KIF3A: variants seen among roughly 807,000 people sequenced by gnomAD.
The protein encoded by KIF3A is kinesin-like protein KIF3A.
KIF3A carries 27 observed loss-of-function variants against 92.6 expected under a neutral mutation model. The ratio of observed to expected loss-of-function variants is 0.29; its 90% CI spans 0.21 to 0.40. The LOEUF is 0.40. KIF3A is among the 10% of genes least tolerant of loss of function. The pLI is 1.00. For missense variants in KIF3A, 581 were observed against 872.6 expected, an observed-to-expected ratio of 0.67 and a Z score of 4.21; for synonymous variants, 250 against 275.4, an observed-to-expected ratio of 0.91 and a Z score of 0.92.
rs1752807131 is a variant in KIF3A at position 132,695,611 on chromosome 5, G to C, written c.*1023C>G. On this transcript the variant is annotated 3_prime_UTR_variant, in exon 19 of 19. Transcript: ENST00000403231. ...TTTGTAGAGGAATATGGTCTAACTG[G>C]ATTACCCAATAGAAGAAATTCAGAA... 6.6e-6 allele frequency: 1 copy of C among 152,144 alleles called. No individual in the cohort carries two copies. The highest frequency in any genetic ancestry group is 2.4e-5 in the African/African-American group (1 of 41,378). The allele number at this position is 152,144 out of a possible 1,614,324, so 9.4% of individuals were successfully genotyped here.
intron 18 of KIF3A, among the ~76,000 whole-genome samples, chr5:132,698,729 ATTTT>A (rs200925076): frequency 3.0e-5 from 4 of 132,154 alleles, no homozygotes; most frequent in Admixed American, 7.9e-5. Context: ...AAGGAATTTG[ATTTT>A]TTTTTTTTTT....
chr5:132,715,869 G>A lies in KIF3A; in HGVS notation c.1017C>T (p.Ala339=). The change falls in exon 8 of 19, where the codon GCC becomes GCT. Residue 339 remains alanine, a synonymous_variant. Coordinates refer to ENST00000403231, the MANE Select transcript of KIF3A (RefSeq NM_001300791.2). ...YDETISTLRY[A]NRAKNIKNKA... is the part of the protein sequence containing the mutation. ...TATTTTTAATATTCTTAGCACGATT[G>A]GCATACCGTAATGTACTGATAGTTT... The A allele has an allele frequency of 6.2e-7, 1 of 1,608,324 alleles. No individual in the cohort carries two copies. Among genetic ancestry groups the A allele is most frequent in the Non-Finnish European group, 8.5e-7 (1 of 1,175,608 alleles).
intron 2 of KIF3A, among the ~76,000 whole-genome samples, chr5:132,731,260 T>C (rs564882211): frequency 4.6e-5 from 7 of 152,198 alleles, no homozygotes; most frequent in Admixed American, 6.5e-5. Context: ...TGAACATGGA[T>C]GCCAAAATTT....
intron 2 of KIF3A, among the ~76,000 whole-genome samples, chr5:132,727,198 C>T (rs960569696): frequency 7.2e-5 from 11 of 152,322 alleles, no homozygotes; most frequent in East Asian, 1.9e-4. Context: ...TTTCTAAATA[C>T]CCAAATTCAT....
intron 18 of KIF3A, chr5:132,697,931 T>C (rs1479893698): frequency 6.6e-6 from 1 of 152,146 alleles, no homozygotes; most frequent in Non-Finnish European, 1.5e-5. Context: ...TGTCATTTTA[T>C]TAAAAATGGA....
Position 132,700,808 on chromosome 5 carries a change from C to T in KIF3A, c.1885-108G>A, listed in dbSNP as rs1753011023. On this transcript the variant is annotated intron_variant, in intron 15 of 18. Transcript: ENST00000403231. ...ACATTGAGTAATAAAAGTCTCAAAA[C>T]ATTATATACTGATATAACCTTTTTA... The T allele has an allele frequency of 3.2e-5, 21 of 662,382 alleles. No homozygotes were observed. The South Asian group carries it at 4.1e-4, about 13-fold the overall frequency. The allele number at this position is 662,382 out of a possible 1,614,324, so 41.0% of individuals were successfully genotyped here.
At chr5:132,692,337 G>A (rs1271429447), downstream of KIF3A, 2 of 152,190 alleles carry the variant, frequency 1.3e-5, no homozygotes, top group Admixed American at 1.3e-4. Flanking sequence ...TAATACCTGG[G>A]TGATGAAATA....
intron 4 of KIF3A, among the ~76,000 whole-genome samples, chr5:132,724,806 A>AAT (rs1167332306): frequency 2.6e-3 from 59 of 22,682 alleles, no homozygotes; most frequent in Non-Finnish European, 3.8e-3. Context: ...AAAAAAAAAA[A>AAT]ATATATATAT....
At chr5:132,723,902 T>C (rs1381941227) in intron 4 of KIF3A, among the ~76,000 whole-genome samples, 2 of 152,238 alleles carry the variant, frequency 1.3e-5, no homozygotes, top group African/African-American at 2.4e-5. Context: ...TCTACTCATC[T>C]GACAAAAGGC....
intron 10 of KIF3A, among the ~76,000 whole-genome samples, chr5:132,708,022 G>A (rs565825964): frequency 2.6e-4 from 40 of 152,160 alleles, no homozygotes; most frequent in Non-Finnish European, 4.1e-4. Context: ...AGTGGCTCAC[G>A]CCTATAATCC....
At chr5:132,717,529 C>T (rs1474555152) in intron 5 of KIF3A, among the ~76,000 whole-genome samples, 1 of 150,364 alleles carries the variant, frequency 6.7e-6, no homozygotes, top group Non-Finnish European at 1.5e-5. Flanking sequence ...TTCAGTGCAG[C>T]ATTAAAAAAA....
At chr5:132,698,843 T>C (rs956709440) in intron 18 of KIF3A, among the ~76,000 whole-genome samples, 2 of 151,276 alleles carry the variant, frequency 1.3e-5, no homozygotes, top group African/African-American at 4.9e-5. Context: ...GTTCAAGCGA[T>C]TCTCATGCCT....
chr5:132,732,158 AAGAC>A (rs1374707006), intron 2 of KIF3A, among the ~76,000 whole-genome samples: 1 of 152,250 alleles, frequency 6.6e-6, no homozygotes, highest in East Asian at 1.9e-4. Context: ...AGTCATCAAA[AAGAC>A]AGTAACAAGT....
chr5:132,733,434 T>C (rs940356823), intron 2 of KIF3A, among the ~76,000 whole-genome samples: 1 of 152,116 alleles, frequency 6.6e-6, no homozygotes, highest in African/African-American at 2.4e-5. Flanking sequence ...ACTTGTACAC[T>C]AAAAGCTACA....
chr5:132,715,551 AT>A (rs1039501742), intron 8 of KIF3A, among the ~76,000 whole-genome samples: 1 of 152,266 alleles, frequency 6.6e-6, no homozygotes, highest in African/African-American at 2.4e-5. Flanking sequence ...AAAAAACCAC[AT>A]ACACAAATAT....
intron 18 of KIF3A, among the ~76,000 whole-genome samples, chr5:132,698,845 C>T (rs1354984814): frequency 6.6e-6 from 1 of 150,702 alleles, no homozygotes; most frequent in Non-Finnish European, 1.5e-5. Flanking sequence ...TCAAGCGATT[C>T]TCATGCCTCA....
chr5:132,724,573 T>C (rs911487155), intron 4 of KIF3A, among the ~76,000 whole-genome samples: 1 of 151,372 alleles, frequency 6.6e-6, no homozygotes, highest in Non-Finnish European at 1.5e-5. Context: ...TGTTCTCACT[T>C]ATAGGTGAGA....
At chr5:132,734,145 TTA>T (rs1754318452) in intron 2 of KIF3A, 58 bp downstream of exon 2, 1 of 1,327,528 alleles carries the variant, frequency 7.5e-7, no homozygotes, top group African/African-American at 1.5e-5. Context: ...ATATGTGAAT[TTA>T]TGGCACAGTA....
At chr5:132,702,240 G>A (rs772496972) in intron 14 of KIF3A, 28 bp from the exon 15 acceptor site, 1 of 1,608,774 alleles carries the variant, frequency 6.2e-7, no homozygotes. Context: ...AAAATATTAT[G>A]AACAAACAAG....
Sources: gnomAD v4.1 joint callset for allele counts (sites outside exome capture counted in the v4.1 genomes callset) on GRCh38, gnomAD v4.1.1 for gene constraint, MANE v1.5 for transcripts, NCBI Gene and HGNC (gene_info 2026-07-23, HGNC 2026-07-21) for gene names.